EZH2: variants seen among roughly 807,000 people sequenced by gnomAD.
EZH2 encodes histone-lysine N-methyltransferase EZH2.
In EZH2, 18 loss-of-function variants were observed where a neutral mutation model predicts 98.4. That is an observed-to-expected ratio of 0.18 (90% CI 0.13 to 0.27). The LOEUF (loss-of-function observed/expected upper bound fraction) is 0.27, where lower values mean the gene tolerates loss of function less well. Among genes scored for constraint, EZH2 ranks in the 10% least tolerant of loss-of-function variants. EZH2 has a pLI of 1.00. For missense variants in EZH2, 470 were observed against 935.1 expected, an observed-to-expected ratio of 0.50 and a Z score of 6.49; for synonymous variants, 338 against 312.3, an observed-to-expected ratio of 1.08 and a Z score of -0.87.
chr7:148,857,073 T>G (rs1816938444), intron 1 of EZH2, among the ~76,000 whole-genome samples: 1 of 152,254 alleles, frequency 6.6e-6, no homozygotes. Context: ...TGAAATGAGA[T>G]GGGGATTTCA....
intron 19 of EZH2, among the ~76,000 whole-genome samples, chr7:148,808,768 G>A (rs140917352): frequency 2.0e-3 from 300 of 152,262 alleles, no homozygotes; most frequent in Non-Finnish European, 3.0e-3. Flanking sequence ...AACGCTCCAC[G>A]AGTGAGCATG....
intron 3 of EZH2, among the ~76,000 whole-genome samples, chr7:148,842,127 C>T (rs1314027431): frequency 1.3e-5 from 2 of 152,166 alleles, no homozygotes; most frequent in Admixed American, 1.3e-4. Context: ...CTTACAAGAA[C>T]ATTATATTCT....
At chr7:148,839,570 T>G (rs1321448433) in intron 3 of EZH2, among the ~76,000 whole-genome samples, 1 of 151,644 alleles carries the variant, frequency 6.6e-6, no homozygotes, top group Non-Finnish European at 1.5e-5. Context: ...AAAAAACTAT[T>G]TTTTTTTGTT....
intron 10 of EZH2, 143 bp downstream of exon 10, chr7:148,817,734 A>T: frequency 8.5e-7 from 1 of 1,179,224 alleles, no homozygotes; most frequent in Non-Finnish European, 1.2e-6. Context: ...CAGAAACAAC[A>T]CAGCTACACA....
chr7:148,859,675 TG>T (rs1563053352), intron 1 of EZH2, among the ~76,000 whole-genome samples: 1 of 152,182 alleles, frequency 6.6e-6, no homozygotes, highest in East Asian at 1.9e-4. Flanking sequence ...GCAAAGCCCA[TG>T]GGACACAGAG....
At chr7:148,875,021 CT>C (rs1314496391) in intron 1 of EZH2, among the ~76,000 whole-genome samples, 1 of 151,836 alleles carries the variant, frequency 6.6e-6, no homozygotes, top group Non-Finnish European at 1.5e-5. Flanking sequence ...CTCATTTATC[CT>C]TTGAAGAAAA....
chr7:148,853,608 G>A (rs1268296668), intron 1 of EZH2, among the ~76,000 whole-genome samples: 1 of 152,152 alleles, frequency 6.6e-6, no homozygotes, highest in Non-Finnish European at 1.5e-5. Flanking sequence ...GGGGACTAGG[G>A]ACCCCTGCTT....
At chr7:148,811,503 A>C in intron 16 of EZH2, 122 bp downstream of exon 16, 2 of 753,040 alleles carry the variant, frequency 2.7e-6, no homozygotes, top group Non-Finnish European at 4.3e-6. Context: ...TCCAGGCTGA[A>C]AAGGCAGTTT....
intron 17 of EZH2, among the ~76,000 whole-genome samples, chr7:148,809,981 C>A (rs1802580003): frequency 6.6e-6 from 1 of 152,240 alleles, no homozygotes; most frequent in South Asian, 2.1e-4. Context: ...AGTGCTCCTC[C>A]CCTCCTTCCC....
At chr7:148,846,401 C>A (rs1451252076) in intron 3 of EZH2, 69 bp downstream of exon 3, 2 of 1,534,950 alleles carry the variant, frequency 1.3e-6, no homozygotes, top group Non-Finnish European at 1.8e-6. Context: ...TCCCAATAAC[C>A]AAACAAATGT....
intron 15 of EZH2, among the ~76,000 whole-genome samples, chr7:148,813,059 A>ACG (rs370029959): frequency 0.026 from 3,777 of 148,020 alleles, 101 homozygotes; most frequent in African/African-American, 0.075. Context: ...ACATACACAC[A>ACG]CACACACACA....
intron 15 of EZH2, 103 bp from the exon 16 acceptor site, chr7:148,811,823 T>TTAGAA: frequency 1.0e-6 from 1 of 966,282 alleles, no homozygotes; most frequent in African/African-American, 1.6e-5. Flanking sequence ...CTGTAAATCC[T>TTAGAA]CAGACCTGTT....
chr7:148,839,796 C>T (rs1811972856), intron 3 of EZH2, among the ~76,000 whole-genome samples: 1 of 152,130 alleles, frequency 6.6e-6, no homozygotes, highest in Non-Finnish European at 1.5e-5. Flanking sequence ...GTCTGCCCAC[C>T]TTGGCCTCCC....
rs936574667 is a variant in EZH2 at position 148,839,566 on chromosome 7, CTA to C, written c.247-6818_247-6817del. On this transcript the variant is annotated intron_variant, in intron 3 of 19. Transcript: ENST00000320356. ...TCTGCAAAACATATGACAAAAAAAA[CTA>C]TTTTTTTTTGTTTTTTGTTTTTTTG... Among the ~76,000 whole-genome samples the C allele has an allele frequency of 1.1e-4, 17 of 150,060 alleles. No individual in the cohort carries two copies. In the South Asian group the frequency reaches 2.1e-3, roughly 19 times the overall value.
rs183447570 is a variant in EZH2, at chr7:148,822,237, C to T, written c.908-2550G>A. Among the ~76,000 whole-genome samples the T allele has an allele frequency of 2.0e-3, 306 of 152,300 alleles. 2 individuals are homozygous for T. Among genetic ancestry groups the T allele is most frequent in the Middle Eastern group, 6.8e-3 (2 of 294 alleles). On this transcript the variant is annotated intron_variant, in intron 8 of 19. Transcript: ENST00000320356. ...AAAAAATGTTTAAACTGACCAGGTG[C>T]AGTGGCTCACACCTGTAATCTCAGC...
intron 6 of EZH2, among the ~76,000 whole-genome samples, chr7:148,827,953 T>A (rs1263846164): frequency 6.6e-6 from 1 of 152,058 alleles, no homozygotes; most frequent in Non-Finnish European, 1.5e-5. Context: ...CCGTCTCTAC[T>A]AAAAAATACA....
At chr7:148,876,587 A>G (rs1820198773) in intron 1 of EZH2, among the ~76,000 whole-genome samples, 1 of 148,960 alleles carries the variant, frequency 6.7e-6, no homozygotes, top group South Asian at 2.2e-4. Context: ...TCAAAGATAC[A>G]TAAGGATGTT....
intron 1 of EZH2, among the ~76,000 whole-genome samples, chr7:148,860,184 T>C (rs1817463745): frequency 6.6e-6 from 1 of 152,124 alleles, no homozygotes; most frequent in Admixed American, 6.5e-5. Context: ...TGAAATCATA[T>C]TCATAAAATT....
At chr7:148,832,799 T>TAAG (rs1397906451) in intron 3 of EZH2, 49 bp from the exon 4 acceptor site, 2 of 1,195,410 alleles carry the variant, frequency 1.7e-6, no homozygotes, top group Admixed American at 3.9e-5. Flanking sequence ...AGGACAACCT[T>TAAG]AAGCTGTAGC....
Sources: gnomAD v4.1 joint callset for allele counts (sites outside exome capture counted in the v4.1 genomes callset) on GRCh38, gnomAD v4.1.1 for gene constraint, MANE v1.5 for transcripts, NCBI Gene and HGNC (gene_info 2026-07-23, HGNC 2026-07-21) for gene names.